Variants in RIC8B observed in about 807,000 individuals in gnomAD.
RIC8B encodes chaperone Ric-8B.
Under a neutral mutation model 57.5 loss-of-function variants are expected in RIC8B, and 16 were observed. That is an observed-to-expected ratio of 0.28 (90% confidence interval 0.19 to 0.42). RIC8B has a LOEUF of 0.42. RIC8B is among the 10% of genes least tolerant of loss of function. The pLI is 1.00. For missense variants in RIC8B, 481 were observed against 677.0 expected, an observed-to-expected ratio of 0.71 and a Z score of 3.21; for synonymous variants, 216 against 250.8, an observed-to-expected ratio of 0.86 and a Z score of 1.31.
At chr12:106,843,804 G>T in intron 5 of RIC8B, 48 bp from the exon 6 acceptor site, 1 of 1,354,374 alleles carries the variant, frequency 7.4e-7, no homozygotes, top group Non-Finnish European at 1.0e-6. Flanking sequence ...AATACTGTTA[G>T]AAACAAAACT....
intron 1 of RIC8B, among the ~76,000 whole-genome samples, chr12:106,777,773 CTTAAA>C (rs1413434663): frequency 1.3e-5 from 2 of 152,176 alleles, no homozygotes; most frequent in Admixed American, 6.5e-5. Flanking sequence ...TCACCATTCT[CTTAAA>C]TTATTGTGAG....
intron 4 of RIC8B, among the ~76,000 whole-genome samples, chr12:106,828,254 G>A (rs1593230384): frequency 6.6e-6 from 1 of 152,142 alleles, no homozygotes; most frequent in Admixed American, 6.5e-5. Context: ...ATCTGGAATG[G>A]CCTTGCATGT....
chr12:106,883,297 T>C (rs1175329365), intron 9 of RIC8B, among the ~76,000 whole-genome samples: 1 of 152,190 alleles, frequency 6.6e-6, no homozygotes, highest in African/African-American at 2.4e-5. Flanking sequence ...TGTTAATATG[T>C]AGTGTCCAAC....
chr12:106,778,931 A>G (rs2136141689), intron 1 of RIC8B, among the ~76,000 whole-genome samples: 1 of 152,060 alleles, frequency 6.6e-6, no homozygotes, highest in East Asian at 1.9e-4. Context: ...CATTTTTTTG[A>G]GATGGAGTTT....
chr12:106,790,023 T>C (rs1332677201), intron 2 of RIC8B, among the ~76,000 whole-genome samples: 1 of 152,202 alleles, frequency 6.6e-6, no homozygotes, highest in Non-Finnish European at 1.5e-5. Flanking sequence ...TATAGTGTTT[T>C]GCAGTTTTAC....
chr12:106,870,961 T>C lies in RIC8B; in HGVS notation c.1571+19T>C. On this transcript the variant is annotated intron_variant, in intron 9 of 9. Coordinates refer to ENST00000392837, the MANE Select transcript of RIC8B (RefSeq NM_001330145.2). ...TTTCCAGGTATTGTATTCCCATCCA[T>C]TTTTTGCTTGGTTTCTAAAAATGGT... The C allele has an allele frequency of 6.5e-7, 1 of 1,541,500 alleles. No individual in the cohort carries two copies. Among genetic ancestry groups the C allele is most frequent in the Non-Finnish European group, 8.8e-7 (1 of 1,142,432 alleles).
At chr12:106,843,750 C>A (rs2136426481) in intron 5 of RIC8B, 102 bp from the exon 6 acceptor site, 1 of 743,568 alleles carries the variant, frequency 1.3e-6, no homozygotes, top group Non-Finnish European at 2.1e-6. Flanking sequence ...AAAAAGTCCC[C>A]ACCTCAAAAA....
chr12:106,800,050 T>C (rs1593131170), intron 2 of RIC8B, among the ~76,000 whole-genome samples: 1 of 152,260 alleles, frequency 6.6e-6, no homozygotes, highest in African/African-American at 2.4e-5. Context: ...CTTCTTTGTA[T>C]GCATTTATAC....
intron 1 of RIC8B, chr12:106,775,524 G>A: frequency 2.9e-6 from 1 of 342,656 alleles, no homozygotes; most frequent in East Asian, 7.6e-5. Context: ...CAGCAATCCT[G>A]TGAGGTATTA....
At chr12:106,810,176 T>G (rs986970638) in intron 2 of RIC8B, among the ~76,000 whole-genome samples, 1 of 145,362 alleles carries the variant, frequency 6.9e-6, no homozygotes, top group African/African-American at 2.5e-5. Flanking sequence ...TTTTTGATCC[T>G]CCCACCTCAG....
intron 8 of RIC8B, among the ~76,000 whole-genome samples, chr12:106,866,313 A>G (rs1432167539): frequency 6.6e-6 from 1 of 152,158 alleles, no homozygotes; most frequent in Non-Finnish European, 1.5e-5. Flanking sequence ...TTAGGATACC[A>G]AGAAAATTGA....
chr12:106,784,595 T>G (rs1209933787), intron 2 of RIC8B, among the ~76,000 whole-genome samples: 1 of 152,166 alleles, frequency 6.6e-6, no homozygotes, highest in African/African-American at 2.4e-5. Flanking sequence ...CTTCTGGCCT[T>G]AAGTGATCCC....
At chr12:106,779,888 T>G (rs866216632) in intron 1 of RIC8B, among the ~76,000 whole-genome samples, 1,836 of 84,200 alleles carry the variant, frequency 0.022, 26 homozygotes, top group African/African-American at 0.039. Flanking sequence ...TTTTTTTTTT[T>G]TGTGTGTGTG....
chr12:106,829,095 T>G (rs2046241209), intron 4 of RIC8B, among the ~76,000 whole-genome samples: 1 of 152,232 alleles, frequency 6.6e-6, no homozygotes, highest in South Asian at 2.1e-4. Context: ...GACCTTGACC[T>G]TCATTTCCAC....
chr12:106,798,962 T>C (rs2044609518), intron 2 of RIC8B, among the ~76,000 whole-genome samples: 1 of 152,254 alleles, frequency 6.6e-6, no homozygotes, highest in South Asian at 2.1e-4. Flanking sequence ...TGTTCTTTTA[T>C]ATCTCACTAA....
At chr12:106,861,319 C>T (rs935427577) in intron 8 of RIC8B, among the ~76,000 whole-genome samples, 6 of 152,008 alleles carry the variant, frequency 3.9e-5, no homozygotes, top group Admixed American at 1.3e-4. Context: ...CTATCTTTAT[C>T]TGCAAAATTA....
intron 8 of RIC8B, among the ~76,000 whole-genome samples, chr12:106,864,245 A>G (rs144355847): frequency 1.3e-5 from 2 of 152,214 alleles, no homozygotes; most frequent in East Asian, 3.9e-4. Context: ...AAAACCACCT[A>G]TTTGTTGCAT....
chr12:106,866,864 G>A (rs1950162782), intron 8 of RIC8B, among the ~76,000 whole-genome samples: 1 of 152,132 alleles, frequency 6.6e-6, no homozygotes, highest in South Asian at 2.1e-4. Context: ...TGGTTACATA[G>A]GGCCTGCATT....
intron 2 of RIC8B, among the ~76,000 whole-genome samples, chr12:106,806,253 A>G (rs1309077964): frequency 6.6e-6 from 1 of 152,090 alleles, no homozygotes; most frequent in Admixed American, 6.6e-5. Context: ...GTCCCCAGAA[A>G]CTGTTTTTAT....
Sources: allele counts gnomAD v4.1 joint callset (sites outside exome capture counted in the v4.1 genomes callset), GRCh38; gene constraint gnomAD v4.1.1; transcripts MANE v1.5; gene names NCBI Gene and HGNC (gene_info 2026-07-23, HGNC 2026-07-21).